Variants in CWC27 observed in about 807,000 individuals in gnomAD.
The protein encoded by CWC27 is spliceosome-associated protein CWC27 homolog.
Under a neutral mutation model 63.6 loss-of-function variants are expected in CWC27, and 47 were observed. That is an observed-to-expected ratio of 0.74 (90% CI 0.58 to 0.94). The LOEUF is 0.94. Ranked by LOEUF, CWC27 falls within the 40% of genes least tolerant of loss-of-function variation. The pLI, the probability that CWC27 is intolerant of heterozygous loss-of-function variation, is 0.00. For synonymous variants in CWC27, 175 were observed against 179.8 expected, an observed-to-expected ratio of 0.97 and a Z score of 0.22; for missense variants, 495 against 554.3, an observed-to-expected ratio of 0.89 and a Z score of 1.07.
At chr5:64,862,804 C>G (rs1009605656) in intron 10 of CWC27, among the ~76,000 whole-genome samples, 2 of 152,134 alleles carry the variant, frequency 1.3e-5, no homozygotes, top group African/African-American at 4.8e-5. Flanking sequence ...TCTCTCAGTT[C>G]TTGAGGCTGA....
rs542053787 is a variant in CWC27 at position 64,867,415 on chromosome 5, A to G, written c.939-18028A>G. ...TTTACTTTAACAAGAATAAGTTTCT[A>G]TTTTATCGACACACTTTTCAAGTAG... On this transcript the variant is annotated intron_variant, in intron 10 of 13. Transcript: ENST00000381070. 6.8e-4 allele frequency among the ~76,000 whole-genome samples: 103 copies of G among 152,218 alleles called. 2 individuals are homozygous for G. The highest frequency in any genetic ancestry group is 2.4e-3 in the African/African-American group (101 of 41,558).
intron 10 of CWC27, among the ~76,000 whole-genome samples, chr5:64,813,008 A>G (rs993216098): frequency 6.6e-6 from 1 of 152,188 alleles, no homozygotes; most frequent in Admixed American, 6.6e-5. Context: ...GCAATTTCAT[A>G]TGTATGACTC....
In CWC27 at chr5:64,877,425, G is replaced by T. The variant is rs1580696515; in HGVS notation, c.939-8018G>T. 2.6e-5 allele frequency among the ~76,000 whole-genome samples: 4 copies of T among 151,950 alleles called. No individual in the cohort carries two copies. In the East Asian group the frequency reaches 7.7e-4, roughly 29 times the overall value. ...GAGGCATCTGGGTTTGTGTGTTGGGGGGGATGAAGAGAGATTGGGTAATGA... is the reference window on the plus strand; with the variant it reads ...GAGGCATCTGGGTTTGTGTGTTGGGTGGGATGAAGAGAGATTGGGTAATGA... On this transcript the variant is annotated intron_variant, in intron 10 of 13. Coordinates refer to ENST00000381070, the MANE Select transcript of CWC27 (RefSeq NM_005869.4).
intron 11 of CWC27, among the ~76,000 whole-genome samples, chr5:64,905,607 C>G (rs1243222689): frequency 1.1e-4 from 16 of 152,030 alleles, no homozygotes; most frequent in Admixed American, 1.0e-3. Context: ...GGTGAATGCT[C>G]AAAATTTTTT....
At chr5:64,965,499 T>A (rs1436554427) in intron 11 of CWC27, among the ~76,000 whole-genome samples, 2 of 152,220 alleles carry the variant, frequency 1.3e-5, no homozygotes, top group African/African-American at 4.8e-5. Context: ...ATTGTTTAAC[T>A]GGAGCTTCAT....
intron 11 of CWC27, among the ~76,000 whole-genome samples, chr5:64,916,322 G>GT (rs1191121807): frequency 6.6e-6 from 1 of 152,142 alleles, no homozygotes; most frequent in Non-Finnish European, 1.5e-5. Flanking sequence ...ATGGTCAAGA[G>GT]TACAGCCTTT....
intron 13 of CWC27, among the ~76,000 whole-genome samples, chr5:64,983,672 G>A (rs1368832370): frequency 1.3e-5 from 2 of 152,204 alleles, no homozygotes; most frequent in Non-Finnish European, 2.9e-5. Context: ...CACTGGCCTA[G>A]GCCTGGTACA....
chr5:64,971,883 G>A (rs1042268091), intron 12 of CWC27, 71 bp downstream of exon 12: 6 of 902,212 alleles, frequency 6.7e-6, no homozygotes, highest in Non-Finnish European at 9.9e-6. Context: ...TCTAAATGGA[G>A]CCTAATTTGA....
intron 2 of CWC27, among the ~76,000 whole-genome samples, chr5:64,775,671 A>G (rs1379101440): frequency 6.6e-6 from 1 of 151,928 alleles, no homozygotes; most frequent in East Asian, 1.9e-4. Context: ...GTTTTTTTAG[A>G]TTTGAGTCAT....
intron 13 of CWC27, among the ~76,000 whole-genome samples, chr5:65,017,432 C>T (rs1296143551): frequency 2.6e-5 from 4 of 152,142 alleles, no homozygotes; most frequent in African/African-American, 9.7e-5. Flanking sequence ...AGCTAATTAC[C>T]AACATATTTC....
At chr5:64,818,104 G>C (rs1745095815) in intron 10 of CWC27, among the ~76,000 whole-genome samples, 2 of 152,030 alleles carry the variant, frequency 1.3e-5, no homozygotes, top group Admixed American at 6.6e-5. Flanking sequence ...AAAATTATAT[G>C]ATAATTGGTG....
intron 1 of CWC27, among the ~76,000 whole-genome samples, chr5:64,773,103 G>A (rs1283621199): frequency 2.6e-5 from 4 of 152,028 alleles, no homozygotes; most frequent in African/African-American, 9.7e-5. Context: ...GAACATGATA[G>A]AGCTGATACC....
rs957523978 is a variant in CWC27 at position 65,018,263 on chromosome 5, A to G, written c.1361A>G (p.Asn454Ser). 3 of 1,610,772 alleles carry G rather than the reference A, an allele frequency of 1.9e-6. No individual in the cohort carries two copies. The highest frequency in any genetic ancestry group is 2.5e-6 in the Non-Finnish European group (3 of 1,179,122). ...ATCTATGATCCTCGGAATCCAGTGA[A>G]TAAAAGAAGGAGGGAAGAAAGCAAA... Reference protein sequence around the residue: ...FEIYDPRNPVNKRRREESKKL... With the variant: ...FEIYDPRNPVSKRRREESKKL... The change falls in exon 14 of 14, where the codon AAT becomes AGT. Residue 454 changes from asparagine (N) to serine (S), a missense_variant. Physicochemically the swap from Asn to Ser is conservative, Grantham distance 46. Around this residue, in one of 3 missense-constraint regions of CWC27, gnomAD observed 20 missense variants for 22.1 expected, o/e 0.91. Coordinates refer to ENST00000381070, the MANE Select transcript of CWC27 (RefSeq NM_005869.4).
At chr5:64,862,098 T>G (rs1299209143) in intron 10 of CWC27, among the ~76,000 whole-genome samples, 2 of 152,026 alleles carry the variant, frequency 1.3e-5, no homozygotes, top group Non-Finnish European at 2.9e-5. Flanking sequence ...AACAGAATCC[T>G]TTCTGCTAAT....
intron 13 of CWC27, among the ~76,000 whole-genome samples, chr5:65,004,949 G>C (rs989771341): frequency 2.8e-5 from 4 of 141,748 alleles, no homozygotes; most frequent in Non-Finnish European, 4.6e-5. Context: ...TGGTTGGGTA[G>C]GGTGCTTCAG....
intron 11 of CWC27, among the ~76,000 whole-genome samples, chr5:64,957,005 A>G (rs1328941539): frequency 6.6e-6 from 1 of 152,152 alleles, no homozygotes; most frequent in Non-Finnish European, 1.5e-5. Flanking sequence ...TTTAGAAGCT[A>G]CTTTATTGCT....
At chr5:64,906,024 G>A (rs1367071443) in intron 11 of CWC27, among the ~76,000 whole-genome samples, 2 of 151,892 alleles carry the variant, frequency 1.3e-5, no homozygotes, top group Non-Finnish European at 2.9e-5. Flanking sequence ...TTTTTTTATG[G>A]CTGCGTAGTA....
intron 11 of CWC27, among the ~76,000 whole-genome samples, chr5:64,957,167 A>C (rs548516432): frequency 1.3e-5 from 2 of 152,324 alleles, no homozygotes; most frequent in East Asian, 3.9e-4. Flanking sequence ...CCCTCCTTTA[A>C]GTACTGTTAG....
At chr5:64,847,901 CA>C (rs917102257) in intron 10 of CWC27, among the ~76,000 whole-genome samples, 98 of 144,574 alleles carry the variant, frequency 6.8e-4, no homozygotes, top group Admixed American at 9.0e-4. Context: ...ATGTTTATAG[CA>C]AAAAAAAAAT....
Sources: gnomAD v4.1 joint callset for allele counts (sites outside exome capture counted in the v4.1 genomes callset) on GRCh38, gnomAD v4.1.1 for gene constraint, gnomAD v4.1.1 regional missense constraint, MANE v1.5 for transcripts, NCBI Gene and HGNC (gene_info 2026-07-23, HGNC 2026-07-21) for gene names.